The following MYH13 variants were observed in gnomAD, a reference collection of about 807,000 sequenced individuals.
The protein encoded by MYH13 is myosin-13.
In MYH13, 177 loss-of-function variants were observed where a neutral mutation model predicts 232.1. That is an observed-to-expected ratio of 0.76 (90% CI 0.67 to 0.86). The LOEUF is 0.86. MYH13 is among the 40% of genes least tolerant of loss of function. MYH13 has a pLI of 0.00. For synonymous variants in MYH13, 884 were observed against 923.5 expected (o/e 0.96, Z 0.78); for missense variants, 2,246 against 2,405.9 (o/e 0.93, Z 1.39).
chr17:10,372,297 A>G (rs1163791167), intron 1 of MYH13, among the ~76,000 whole-genome samples: 2 of 152,168 alleles, frequency 1.3e-5, no homozygotes, highest in East Asian at 3.8e-4. Flanking sequence ...CCTTCCGTAA[A>G]ATGAATCAGA....
chr17:10,359,191 C>T (rs1252629992), intron 7 of MYH13, among the ~76,000 whole-genome samples: 3 of 152,194 alleles, frequency 2.0e-5, no homozygotes, highest in Non-Finnish European at 4.4e-5. Flanking sequence ...GGGCTGGCTG[C>T]CAGGGAACCA....
chr17:10,352,360 G>A (rs1042977765), intron 11 of MYH13, among the ~76,000 whole-genome samples: 2 of 152,162 alleles, frequency 1.3e-5, no homozygotes, highest in African/African-American at 4.8e-5. Flanking sequence ...GGAAGGCCGA[G>A]GTGGGTGGAT....
chr17:10,341,592 AT>A (rs1310828455), intron 16 of MYH13: 1 of 152,144 alleles, frequency 6.6e-6, no homozygotes, highest in African/African-American at 2.4e-5. Flanking sequence ...GGAAAATGTC[AT>A]GTCCCAGTCT....
At position 10,345,155 on chromosome 17, in the gene MYH13, G is replaced by A. The variant is rs780338556; in HGVS notation, c.1584+47C>T. On this transcript the variant is annotated intron_variant, in intron 15 of 40. Transcript: ENST00000252172. ...GAAAAGAATCAGAGCAAGAAGGGGA[G>A]GGCCCCCAATAAGGAGGAGCTGTCC... The A allele has an allele frequency of 2.5e-6, 4 of 1,613,674 alleles. No individual in the cohort carries two copies. The South Asian group carries it at 4.4e-5, about 18-fold the overall frequency.
At position 10,306,969 on chromosome 17, in the gene MYH13, T is replaced by C. The variant is rs1264456079; in HGVS notation, c.5265A>G (p.Ala1755=). Residue 1755 remains alanine (A), a synonymous_variant, in exon 36 of 41, where the codon GCA becomes GCG. Transcript: ENST00000252172. The surrounding 1 kb of genome is among the most constrained non-coding windows in gnomAD (Gnocchi z 4.3). ...TGATGGCCTTCTTGGCCTTCTCCTCTGCGTTCCTGGACTCCTGGATCGAGT... is the reference window on the plus strand; with the variant it reads ...TGATGGCCTTCTTGGCCTTCTCCTCCGCGTTCCTGGACTCCTGGATCGAGT... ...VENSIQESRN[A]EEKAKKAITD... is the part of the protein sequence containing the mutation. The C allele has an allele frequency of 8.1e-6, 13 of 1,613,860 alleles. No individual in the cohort carries two copies. The highest frequency in any genetic ancestry group is 1.0e-5 in the Non-Finnish European group (12 of 1,179,932).
At chr17:10,351,822 T>G (rs1223458878) in intron 11 of MYH13, among the ~76,000 whole-genome samples, 1 of 152,212 alleles carries the variant, frequency 6.6e-6, no homozygotes, top group African/African-American at 2.4e-5. Flanking sequence ...CAGTAGGGTT[T>G]GCAGCCTGAG....
chr17:10,303,276 T>C lies in MYH13; in HGVS notation c.5587A>G (p.Lys1863Glu), dbSNP rs1250359710. Residue 1863 changes from lysine (K) to glutamate (E), a missense_variant, in exon 39 of 41, where the codon AAG (lysine) becomes GAG (glutamate). By Grantham distance (56) the Lys-to-Glu change is moderately conservative. Coordinates refer to ENST00000252172, the MANE Select transcript of MYH13 (RefSeq NM_003802.3). ...EMTYQAEEDH[K>E]NILRLQDLVD... is the part of the protein sequence containing the mutation. ...AGGTCCTGGAGCCTAAGGATATTCT[T>C]GTGGTCCTCCTCAGCCTGCAAACAG... The C allele has an allele frequency of 6.8e-6, 11 of 1,613,798 alleles. No homozygotes were observed. The highest frequency in any genetic ancestry group is 9.3e-6 in the Non-Finnish European group (11 of 1,179,806).
intron 2 of MYH13, among the ~76,000 whole-genome samples, chr17:10,367,914 A>G (rs2071849290): frequency 6.6e-6 from 1 of 152,192 alleles, no homozygotes; most frequent in South Asian, 2.1e-4. Context: ...TACTCTACCA[A>G]AACTTGACAA....
chr17:10,310,975 G>A (rs1906489380), intron 33 of MYH13, 128 bp downstream of exon 33: 1 of 1,182,232 alleles, frequency 8.5e-7, no homozygotes, highest in Non-Finnish European at 1.2e-6. Context: ...CCCCTGGGAT[G>A]GCTGAATGTT....
chr17:10,355,346 G>T (rs1202943514), intron 8 of MYH13, among the ~76,000 whole-genome samples, 199 bp from the exon 9 acceptor site: 1 of 152,164 alleles, frequency 6.6e-6, no homozygotes, highest in African/African-American at 2.4e-5. Flanking sequence ...GGGCCAATCT[G>T]TGCTGATTCT....
Position 10,306,347 on chromosome 17 carries a change from C to G in MYH13, c.5466+112G>C, listed in dbSNP as rs990152599. ...GGGAATTTTTCAAGCAGTCCTGAAA[C>G]TGAATTTGCAATCTATTCATTCAGT... On this transcript the variant is annotated intron_variant, in intron 37 of 40. Transcript: ENST00000252172. This position sits in a 1 kb window ranked among gnomAD's most constrained non-coding sequence, Gnocchi z 4.3. The G allele has an allele frequency of 6.8e-7, 1 of 1,467,266 alleles. No homozygotes were observed. The highest frequency in any genetic ancestry group is 9.3e-7 in the Non-Finnish European group (1 of 1,079,372). 90.9% of individuals were successfully genotyped at this position (1,467,266 alleles called of 1,614,324 possible).
intron 27 of MYH13, 25 bp downstream of exon 27, chr17:10,318,765 A>G (rs1906814497): frequency 1.2e-6 from 2 of 1,612,658 alleles, no homozygotes; most frequent in Non-Finnish European, 1.7e-6. Context: ...TGCATTCTCC[A>G]AGAGCAGAAG....
chr17:10,346,020 A>G (rs1357298174), intron 13 of MYH13, among the ~76,000 whole-genome samples: 3 of 140,810 alleles, frequency 2.1e-5, no homozygotes, highest in Non-Finnish European at 3.0e-5. Flanking sequence ...AAAACAAAAG[A>G]AAAAAAGAAA....
At position 10,345,366 on chromosome 17, in the gene MYH13, T is replaced by G; in HGVS notation, c.1420A>C (p.Ser474Arg). Reference protein sequence around the residue: ...IAGFEIFDFNSLEQLCINFTN... With the variant: ...IAGFEIFDFNRLEQLCINFTN... ...AAGTTGATGCACAGCTGCTCCAGGC[T>G]GTTGAACTGGGTGATTCAAATACCA... The change falls in exon 15 of 41, where the codon AGC becomes CGC. Residue 474 changes from serine to arginine, a missense_variant. Ser to Arg is a moderately radical substitution (Grantham distance 110). Transcript: ENST00000252172. 2 of 1,614,238 alleles carry G rather than the reference T, an allele frequency of 1.2e-6. No homozygotes were observed. Among genetic ancestry groups the G allele is most frequent in the South Asian group, 2.2e-5 (2 of 91,084 alleles).
At position 10,330,390 on chromosome 17, in the gene MYH13, C is replaced by A; in HGVS notation, c.2432G>T (p.Arg811Met). ...TGGAGGTGAGGGTCTGTGTCACCTC[C>A]TCTCCATCATCTTCTTGAACTCCAC... ...MRVEFKKMME[R>M]RDSIFCIQYN... The change falls in exon 21 of 41, where the codon AGG becomes ATG. Residue 811 changes from arginine to methionine, a missense_variant. Transcript: ENST00000252172. 1 of 1,613,596 alleles carries A rather than the reference C, an allele frequency of 6.2e-7. No individual in the cohort carries two copies. The highest frequency in any genetic ancestry group is 8.5e-7 in the Non-Finnish European group (1 of 1,179,748).
chr17:10,328,482 T>C (rs954948831), intron 21 of MYH13, among the ~76,000 whole-genome samples: 1 of 152,216 alleles, frequency 6.6e-6, no homozygotes, highest in Non-Finnish European at 1.5e-5. Flanking sequence ...TCTCCCATGT[T>C]TGATGTATTA....
At position 10,355,091 on chromosome 17, in the gene MYH13, G is replaced by T. The variant is rs770711988; in HGVS notation, c.795C>A (p.Ile265=). Reference sequence around the variant, plus strand: ...TAGAGTGTTTGGACTCACAAGTTTCGATGTCTGCCGATGCCAGCTTTCCTG... The same window carrying T: ...TAGAGTGTTTGGACTCACAAGTTTCTATGTCTGCCGATGCCAGCTTTCCTG... ...GATGKLASAD[I]ETYLLEKSRV... The change falls in exon 9 of 41, where the codon ATC becomes ATA. Residue 265 remains isoleucine (I), a synonymous_variant. Coordinates refer to ENST00000252172, the MANE Select transcript of MYH13 (RefSeq NM_003802.3). 1.9e-6 allele frequency: 3 copies of T among 1,597,864 alleles called. No homozygotes were observed. The highest frequency in any genetic ancestry group is 1.3e-5 in the African/African-American group (1 of 74,808).
In MYH13 at chr17:10,362,410, G is replaced by C. The variant is rs746998335; in HGVS notation, c.298C>G (p.Pro100Ala). ...TCTTTGAGGTTGTACAGAACAGCAG[G>C]TTCATGCAGGTGAGTCATCATGGCC... ...DMAMMTHLHE[P>A]AVLYNLKERY... The change falls in exon 4 of 41, where the codon CCT becomes GCT. Residue 100 changes from proline (P) to alanine (A), a missense_variant. Physicochemically the swap from Pro to Ala is conservative, Grantham distance 27 (BLOSUM62 -1). Transcript: ENST00000252172. 3 of 1,614,176 alleles carry C rather than the reference G, an allele frequency of 1.9e-6. No individual in the cohort carries two copies. The highest frequency in any genetic ancestry group is 1.6e-4 in the Middle Eastern group (1 of 6,062).
At chr17:10,323,826 G>T (rs191106543) in intron 23 of MYH13, among the ~76,000 whole-genome samples, 196 bp downstream of exon 23, 5 of 128,868 alleles carry the variant, frequency 3.9e-5, no homozygotes, top group Admixed American at 7.8e-5. Context: ...AGAAGAAGAA[G>T]AAGAAGAGTC....
Sources: gnomAD v4.1 joint callset for allele counts (sites outside exome capture counted in the v4.1 genomes callset) on GRCh38, gnomAD v4.1.1 for gene constraint, Gnocchi (gnomAD v3.1) non-coding constraint, MANE v1.5 for transcripts, NCBI Gene and HGNC (gene_info 2026-07-23, HGNC 2026-07-21) for gene names.